The following ZNF354B variants were observed in gnomAD, a reference collection of about 807,000 sequenced individuals.
The protein encoded by ZNF354B is zinc finger protein 354B.
In ZNF354B, 10 loss-of-function variants were observed where a neutral mutation model predicts 12.9. That is an observed-to-expected ratio of 0.77 (90% CI 0.48 to 1.31). The LOEUF is 1.31. ZNF354B is among the 40% of genes most tolerant of loss of function. The probability of loss-of-function intolerance (pLI) is 0.00; values close to 1 mark genes in which losing one functional copy is unlikely to be tolerated. For missense variants in ZNF354B, 614 were observed against 711.7 expected, an observed-to-expected ratio of 0.86 and a Z score of 1.56; for synonymous variants, 260 against 243.7, an observed-to-expected ratio of 1.07 and a Z score of -0.62.
Position 178,883,882 on chromosome 5 carries a change from A to G in ZNF354B, c.1430A>G (p.Gln477Arg), listed in dbSNP as rs1286581077. 4 of 1,614,054 alleles carry G rather than the reference A, an allele frequency of 2.5e-6. No homozygotes were observed. Among genetic ancestry groups the G allele is most frequent in the Non-Finnish European group, 1.7e-6 (2 of 1,180,008 alleles). Residue 477 changes from glutamine (Q) to arginine (R), a missense_variant, in exon 5 of 5, where the codon CAG (glutamine) becomes CGG (arginine). By Grantham distance (43) the Gln-to-Arg change is conservative. Coordinates refer to ENST00000322434, the MANE Select transcript of ZNF354B (RefSeq NM_058230.3). ...KCKVCGKAFR[Q>R]SSALIQHQRM... is the part of the protein sequence containing the mutation. ...AAAGTATGTGGAAAAGCCTTCAGAC[A>G]GAGTTCCGCTCTCATTCAACATCAG...
chr5:178,869,485 C>T (rs956469105), intron 4 of ZNF354B, among the ~76,000 whole-genome samples: 15 of 152,150 alleles, frequency 9.9e-5, no homozygotes, highest in Non-Finnish European at 2.9e-5. Context: ...TTAAGAGGGG[C>T]GTCAGTCTGG....
intron 4 of ZNF354B, among the ~76,000 whole-genome samples, chr5:178,869,486 G>A (rs1367009748): frequency 5.9e-5 from 9 of 152,178 alleles, no homozygotes; most frequent in Non-Finnish European, 1.2e-4. Flanking sequence ...TAAGAGGGGC[G>A]TCAGTCTGGC....
chr5:178,874,385 G>A (rs574602043), intron 4 of ZNF354B, among the ~76,000 whole-genome samples: 4 of 152,280 alleles, frequency 2.6e-5, no homozygotes, highest in East Asian at 1.9e-4. Flanking sequence ...GCAATGAGTC[G>A]TAGATTTTGT....
chr5:178,868,223 A>G (rs1461020059), intron 4 of ZNF354B, among the ~76,000 whole-genome samples: 2 of 150,460 alleles, frequency 1.3e-5, no homozygotes, highest in East Asian at 3.9e-4. Flanking sequence ...GACGGGCATT[A>G]GAAGCTTGGA....
At chr5:178,867,696 G>A (rs575609759) in intron 4 of ZNF354B, among the ~76,000 whole-genome samples, 125 of 152,220 alleles carry the variant, frequency 8.2e-4, no homozygotes, top group Non-Finnish European at 1.5e-3. Context: ...GAGCATTGTT[G>A]GGACGCCACC....
chr5:178,866,413 A>C, intron 3 of ZNF354B, 43 bp downstream of exon 3: 2 of 1,589,782 alleles, frequency 1.3e-6, no homozygotes, highest in Non-Finnish European at 1.7e-6. Context: ...AAAAATTGGG[A>C]TATCTCAGCA....
chr5:178,869,833 A>T (rs965683355), intron 4 of ZNF354B, among the ~76,000 whole-genome samples: 1 of 152,086 alleles, frequency 6.6e-6, no homozygotes, highest in African/African-American at 2.4e-5. Flanking sequence ...GTCAGATGGC[A>T]TTCCTAGGGT....
intron 4 of ZNF354B, among the ~76,000 whole-genome samples, chr5:178,873,587 T>TG (rs1554103810): frequency 6.6e-6 from 1 of 152,048 alleles, no homozygotes; most frequent in East Asian, 1.9e-4. Flanking sequence ...TTGGGCGTGT[T>TG]GGGTTGTTTC....
At chr5:178,880,844 T>C (rs909683324) in intron 4 of ZNF354B, among the ~76,000 whole-genome samples, 19 of 139,088 alleles carry the variant, frequency 1.4e-4, no homozygotes, top group Middle Eastern at 6.9e-3. Context: ...TTTTTTTTTT[T>C]TTTTTTTTTT....
chr5:178,867,530 T>C (rs1757481674), intron 4 of ZNF354B, among the ~76,000 whole-genome samples: 1 of 152,188 alleles, frequency 6.6e-6, no homozygotes, highest in Non-Finnish European at 1.5e-5. Context: ...CATATGGTCC[T>C]TGGTATCTTA....
At chr5:178,863,676 G>T (rs1272212889) in intron 2 of ZNF354B, among the ~76,000 whole-genome samples, 1 of 152,196 alleles carries the variant, frequency 6.6e-6, no homozygotes, top group Non-Finnish European at 1.5e-5. Flanking sequence ...GCCTCAGGCA[G>T]GTTCTTTGAG....
chr5:178,879,025 T>TA (rs1291534247), intron 4 of ZNF354B, among the ~76,000 whole-genome samples: 3 of 150,960 alleles, frequency 2.0e-5, no homozygotes, highest in Non-Finnish European at 4.4e-5. Flanking sequence ...AAAGTATATA[T>TA]TTTTTAGGAC....
intron 3 of ZNF354B, 93 bp downstream of exon 3, chr5:178,866,463 T>A (rs1163102847): frequency 6.6e-7 from 1 of 1,516,692 alleles, no homozygotes; most frequent in East Asian, 2.3e-5. Flanking sequence ...ACTGAAAAAT[T>A]TGAGCTCAGT....
intron 2 of ZNF354B, among the ~76,000 whole-genome samples, chr5:178,864,709 G>A (rs549589736): frequency 6.6e-6 from 1 of 151,140 alleles, no homozygotes; most frequent in Admixed American, 6.6e-5. Flanking sequence ...TGCAAGTTCC[G>A]CCTCCTGGGT....
At chr5:178,871,658 G>A (rs1356197503) in intron 4 of ZNF354B, among the ~76,000 whole-genome samples, 2 of 152,186 alleles carry the variant, frequency 1.3e-5, no homozygotes, top group African/African-American at 2.4e-5. Flanking sequence ...GAGTGACTTG[G>A]ACTAGGTTAG....
intron 4 of ZNF354B, among the ~76,000 whole-genome samples, chr5:178,881,748 A>G (rs372834463): frequency 6.6e-6 from 1 of 152,072 alleles, no homozygotes; most frequent in East Asian, 1.9e-4. Flanking sequence ...GGTTCAAGCA[A>G]TTCTCCTGCC....
chr5:178,860,597 G>A, intron 1 of ZNF354B: 1 of 183,810 alleles, frequency 5.4e-6, no homozygotes, highest in South Asian at 9.8e-5. Context: ...GAGGGAAGTC[G>A]TCCCGGGGCC....
intron 4 of ZNF354B, among the ~76,000 whole-genome samples, chr5:178,871,259 C>T (rs987143999): frequency 1.3e-5 from 2 of 152,300 alleles, no homozygotes; most frequent in African/African-American, 2.4e-5. Context: ...GGCCTCTGAT[C>T]ACCCTTGGCC....
intron 4 of ZNF354B, among the ~76,000 whole-genome samples, 183 bp downstream of exon 4, chr5:178,867,254 C>G (rs573046290): frequency 1.1e-4 from 16 of 151,978 alleles, no homozygotes; most frequent in Non-Finnish European, 2.1e-4. Context: ...CCATGAATCT[C>G]TCAGCATCTC....
Sources: gnomAD v4.1 joint callset for allele counts (sites outside exome capture counted in the v4.1 genomes callset) on GRCh38, gnomAD v4.1.1 for gene constraint, MANE v1.5 for transcripts, NCBI Gene and HGNC (gene_info 2026-07-23, HGNC 2026-07-21) for gene names.